The following CBL variants were observed in gnomAD, a reference collection of about 807,000 sequenced individuals.
CBL encodes the protein E3 ubiquitin-protein ligase CBL.
CBL carries 45 observed loss-of-function variants against 96.9 expected under a neutral mutation model. That is an observed-to-expected ratio of 0.46 (90% CI 0.37 to 0.60). The LOEUF is 0.60. Among genes scored for constraint, CBL ranks in the 20% least tolerant of loss-of-function variants. CBL has a pLI of 0.00. For missense variants in CBL, 1,024 were observed against 1,143.5 expected (o/e 0.90, Z 1.51); for synonymous variants, 420 against 426.8 (o/e 0.98, Z 0.20).
In CBL at chr11:119,299,816, G is replaced by C. The variant is rs867966131; in HGVS notation, c.*35G>C. 1 of 1,608,584 alleles carries C rather than the reference G, an allele frequency of 6.2e-7. No homozygotes were observed. The highest frequency in any genetic ancestry group is 1.8e-4 in the Middle Eastern group (1 of 5,702). On this transcript the variant is annotated 3_prime_UTR_variant, in exon 16 of 16. Coordinates refer to ENST00000264033, the MANE Select transcript of CBL (RefSeq NM_005188.4). ...TCCCTGCTGCAGGTTTAGAGGACCAGTGAGTTGGGAGTTATTACTCAAGTG... is the reference window on the plus strand; with the variant it reads ...TCCCTGCTGCAGGTTTAGAGGACCACTGAGTTGGGAGTTATTACTCAAGTG...
intron 12 of CBL, among the ~76,000 whole-genome samples, chr11:119,291,242 A>G (rs950315405): frequency 2.0e-5 from 3 of 152,154 alleles, no homozygotes; most frequent in African/African-American, 7.2e-5. Flanking sequence ...TACAAAAAAT[A>G]TCAGCCAACC....
intron 2 of CBL, among the ~76,000 whole-genome samples, chr11:119,253,810 C>T (rs1431460072): frequency 6.7e-6 from 1 of 149,394 alleles, no homozygotes; most frequent in Non-Finnish European, 1.5e-5. Flanking sequence ...GGAGTCTAGC[C>T]TGGGCAACAC....
chr11:119,219,707 A>G (rs1441571997), intron 1 of CBL, among the ~76,000 whole-genome samples: 1 of 150,724 alleles, frequency 6.6e-6, no homozygotes, highest in Non-Finnish European at 1.5e-5. Flanking sequence ...ATTTTGAGAC[A>G]GAGTCTTACT....
chr11:119,267,867 G>A (rs944860978), intron 2 of CBL, among the ~76,000 whole-genome samples: 5 of 152,176 alleles, frequency 3.3e-5, no homozygotes, highest in African/African-American at 1.2e-4. Flanking sequence ...AGTCAAAATG[G>A]GTTCAGATGA....
In CBL at chr11:119,301,989, A is replaced by G. The variant is rs554092577; in HGVS notation, c.*2208A>G. On this transcript the variant is annotated 3_prime_UTR_variant, in exon 16 of 16. Transcript: ENST00000264033. Reference sequence around the variant, plus strand: ...TGTAGTCTAAAGATCTCTTTGGAAGACAAAGCATTGGCTATATATCTTTTG... The same window carrying G: ...TGTAGTCTAAAGATCTCTTTGGAAGGCAAAGCATTGGCTATATATCTTTTG... 11 of 233,266 alleles carry G rather than the reference A, an allele frequency of 4.7e-5. No homozygotes were observed. In the South Asian group the frequency reaches 2.0e-3, roughly 42 times the overall value. 14.4% of individuals were successfully genotyped at this position (233,266 alleles called of 1,614,324 possible).
At chr11:119,267,859 T>C (rs1949815620) in intron 2 of CBL, among the ~76,000 whole-genome samples, 1 of 152,210 alleles carries the variant, frequency 6.6e-6, no homozygotes. Flanking sequence ...ATAGCTATAG[T>C]CAAAATGGGT....
chr11:119,256,032 G>A (rs142976197), intron 2 of CBL, among the ~76,000 whole-genome samples: 37 of 151,462 alleles, frequency 2.4e-4, no homozygotes, highest in African/African-American at 8.7e-4. Context: ...ACTGCACCTG[G>A]CCGATACATT....
At chr11:119,254,644 C>T (rs1177081055) in intron 2 of CBL, among the ~76,000 whole-genome samples, 1 of 151,910 alleles carries the variant, frequency 6.6e-6, no homozygotes, top group African/African-American at 2.4e-5. Context: ...TCCTGTCGCC[C>T]AGGCTGGAAT....
At chr11:119,222,843 CT>C (rs1350423632) in intron 1 of CBL, among the ~76,000 whole-genome samples, 1 of 152,002 alleles carries the variant, frequency 6.6e-6, no homozygotes, top group Non-Finnish European at 1.5e-5. Flanking sequence ...ATAATAAGGA[CT>C]TTTTTTCCTT....
Position 119,268,252 on chromosome 11 carries a change from G to A in CBL, c.444-3483G>A, listed in dbSNP as rs115662748. 8.6e-3 allele frequency among the ~76,000 whole-genome samples: 1,307 copies of A among 152,234 alleles called. 15 individuals are homozygous for A. Among genetic ancestry groups the A allele is most frequent in the African/African-American group, 0.024 (1,003 of 41,544 alleles). Reference sequence around the variant, plus strand: ...ATAGAAAGAGACACTGAAGACCAAGGCTGGAATTTTAATTTTAATTTTAAT... The same window carrying A: ...ATAGAAAGAGACACTGAAGACCAAGACTGGAATTTTAATTTTAATTTTAAT... On this transcript the variant is annotated intron_variant, in intron 2 of 15. Coordinates refer to ENST00000264033, the MANE Select transcript of CBL (RefSeq NM_005188.4).
intron 12 of CBL, 22 bp from the exon 13 acceptor site, chr11:119,296,895 AT>A: frequency 8.3e-7 from 1 of 1,201,728 alleles, no homozygotes; most frequent in Non-Finnish European, 1.2e-6. Flanking sequence ...TTCTTTTTCT[AT>A]TTTTTATTCT....
chr11:119,233,539 T>G (rs747886423), intron 2 of CBL, among the ~76,000 whole-genome samples: 9 of 152,184 alleles, frequency 5.9e-5, no homozygotes, highest in Non-Finnish European at 1.2e-4. Flanking sequence ...TGGCCCTCTT[T>G]TGTGTTAATT....
intron 2 of CBL, 65 bp from the exon 3 acceptor site, chr11:119,271,670 A>C (rs1382919183): frequency 7.5e-7 from 1 of 1,326,020 alleles, no homozygotes; most frequent in Non-Finnish European, 1.1e-6. Flanking sequence ...TTGTATGGTG[A>C]ATTTGGTGCA....
rs1949976299 is a variant in CBL at position 119,285,414 on chromosome 11, A to C, written c.1789A>C (p.Lys597Gln). 2 of 1,614,006 alleles carry C rather than the reference A, an allele frequency of 1.2e-6. No individual in the cohort carries two copies. The highest frequency in any genetic ancestry group is 2.7e-5 in the African/African-American group (2 of 74,902). The change falls in exon 11 of 16, where the codon AAA (lysine) becomes CAA (glutamine). Residue 597 changes from lysine to glutamine, a missense_variant. Physicochemically the swap from Lys to Gln is moderately conservative, Grantham distance 53 (BLOSUM62 1). This residue lies in a region of CBL where 695 missense variants were observed against 661.6 expected (regional missense o/e 1.05). Transcript: ENST00000264033. ...GDSWLPRPIP[K>Q]VPVSAPSSSD... Reference sequence around the variant, plus strand: ...CTCATGGCTGCCCCGGCCAATCCCCAAAGTACCAGTATCTGCCCCAAGTTC... The same window carrying C: ...CTCATGGCTGCCCCGGCCAATCCCCCAAGTACCAGTATCTGCCCCAAGTTC...
rs747715766 is a variant in CBL at position 119,285,067 on chromosome 11, C to T, written c.1530C>T (p.Pro510=). ...TTCTGCCGCAGCGAGTATGTGTTCC[C>T]TCAAGTGCTTCTGCTCTTGGAACTG... ...LDLLPQRVCV[P]SSASALGTAS... Residue 510 remains proline (P), a synonymous_variant, in exon 10 of 16, where the codon CCC becomes CCT. Transcript: ENST00000264033. The T allele has an allele frequency of 6.2e-7, 1 of 1,614,198 alleles. No homozygotes were observed. The highest frequency in any genetic ancestry group is 2.2e-5 in the East Asian group (1 of 44,884).
chr11:119,300,120 A>G lies in CBL; in HGVS notation c.*339A>G. ...TGGAAATCCTAATTGAGGACTTAAG[A>G]CTTCCTGGGTTAAGGATGTGGCCGT... On this transcript the variant is annotated 3_prime_UTR_variant, in exon 16 of 16. Coordinates refer to ENST00000264033, the MANE Select transcript of CBL (RefSeq NM_005188.4). 1.9e-6 allele frequency: 1 copy of G among 529,072 alleles called. No homozygotes were observed. The highest frequency in any genetic ancestry group is 3.4e-6 in the Non-Finnish European group (1 of 297,894). 32.8% of individuals were successfully genotyped at this position (529,072 alleles called of 1,614,324 possible).
At chr11:119,297,537 G>C (rs1234406828) in intron 14 of CBL, 56 bp downstream of exon 14, 1 of 1,300,530 alleles carries the variant, frequency 7.7e-7, no homozygotes, top group Non-Finnish European at 1.1e-6. Flanking sequence ...GAATGAACAT[G>C]TAATATTTGG....
intron 2 of CBL, 55 bp downstream of exon 2, chr11:119,232,750 G>A (rs1235002112): frequency 1.3e-6 from 2 of 1,541,522 alleles, no homozygotes. Context: ...GCCTGAATGG[G>A]TAACACATAG....
chr11:119,297,181 A>G, intron 13 of CBL, 147 bp downstream of exon 13: 1 of 755,742 alleles, frequency 1.3e-6, no homozygotes. Context: ...TAATGGTTTA[A>G]GCCTTTTGTA....
Sources: gnomAD v4.1 joint callset for allele counts (sites outside exome capture counted in the v4.1 genomes callset) on GRCh38, gnomAD v4.1.1 for gene constraint, gnomAD v4.1.1 regional missense constraint, MANE v1.5 for transcripts, NCBI Gene and HGNC (gene_info 2026-07-23, HGNC 2026-07-21) for gene names.